PTPRQ: variants seen among roughly 807,000 people sequenced by gnomAD.
PTPRQ encodes phosphatidylinositol phosphatase PTPRQ.
PTPRQ carries 199 observed loss-of-function variants against 246.0 expected under a neutral mutation model. The observed-to-expected ratio is 0.81, with a 90% CI of 0.72 to 0.91. PTPRQ has a LOEUF of 0.91. Ranked by LOEUF, PTPRQ falls within the 40% of genes least tolerant of loss-of-function variation. The pLI, the probability that PTPRQ is intolerant of heterozygous loss-of-function variation, is 0.00. For synonymous variants in PTPRQ, 869 were observed against 853.2 expected, an observed-to-expected ratio of 1.02 and a Z score of -0.32; for missense variants, 2,624 against 2,528.4, an observed-to-expected ratio of 1.04 and a Z score of -0.81.
At chr12:80,665,892 A>G (rs983674270) in intron 39 of PTPRQ, among the ~76,000 whole-genome samples, 6 of 151,996 alleles carry the variant, frequency 3.9e-5, no homozygotes, top group African/African-American at 1.4e-4. Flanking sequence ...ACCACAATGA[A>G]ACACCATCTC....
Position 80,649,614 on chromosome 12 carries a change from A to C in PTPRQ, c.5969A>C (p.Gln1990Pro). The change falls in exon 37 of 45, where the codon CAA becomes CCA. Residue 1990 changes from glutamine to proline, a missense_variant. By Grantham distance (76) the Gln-to-Pro change is moderately conservative. Transcript: ENST00000644991. ...CCAATAAGCAAGAAATCCTTCCTGC[A>C]ACATGTTGAAGAGCTTTGCACAAAC... ...IKPISKKSFL[Q>P]HVEELCTNNN... is the part of the protein sequence containing the mutation. 6.5e-7 allele frequency: 1 copy of C among 1,550,008 alleles called. No individual in the cohort carries two copies.
chr12:80,539,954 C>T lies in PTPRQ; in HGVS notation c.3154+10C>T, dbSNP rs757225495. On this transcript the variant is annotated intron_variant, in intron 20 of 44. Coordinates refer to ENST00000644991, the MANE Select transcript of PTPRQ (RefSeq NM_001145026.2). The stretch of plus-strand genomic sequence containing the variant: ...TACACAGATCAAGACAGTATGTAAA[C>T]AAAAAACACTAATCTTTAATATGAT... 1.2e-4 allele frequency: 171 copies of T among 1,455,186 alleles called. No homozygotes were observed. The highest frequency in any genetic ancestry group is 1.4e-4 in the Non-Finnish European group (154 of 1,102,182). 90.1% of individuals were successfully genotyped at this position (1,455,186 alleles called of 1,614,324 possible).
At chr12:80,455,039 G>T (rs560171870) in intron 3 of PTPRQ, among the ~76,000 whole-genome samples, 1 of 152,270 alleles carries the variant, frequency 6.6e-6, no homozygotes, top group East Asian at 1.9e-4. Context: ...TGGGCATGGT[G>T]GCGAGTGCCT....
Position 80,666,442 on chromosome 12 carries a change from C to A in PTPRQ, c.6193-2565C>A, listed in dbSNP as rs10862181. 2.2e-4 allele frequency among the ~76,000 whole-genome samples: 33 copies of A among 151,710 alleles called. No homozygotes were observed. The South Asian group carries it at 6.6e-3, about 31-fold the overall frequency. ...GAGGTGAGAGTAAGAGATTGGTTAA[C>A]GAATGCAAAATTACAGCTAGATAGG... On this transcript the variant is annotated intron_variant, in intron 39 of 44. Coordinates refer to ENST00000644991, the MANE Select transcript of PTPRQ (RefSeq NM_001145026.2).
At chr12:80,519,186 A>G (rs768346251) in intron 17 of PTPRQ, among the ~76,000 whole-genome samples, 61 of 151,946 alleles carry the variant, frequency 4.0e-4, no homozygotes, top group Non-Finnish European at 7.4e-4. Context: ...ATTATAGAGA[A>G]CTTTTACTTC....
chr12:80,589,682 A>G (rs2121023417), intron 26 of PTPRQ, among the ~76,000 whole-genome samples: 1 of 152,338 alleles, frequency 6.6e-6, no homozygotes, highest in East Asian at 1.9e-4. Flanking sequence ...GTTTGTTAAT[A>G]TAATTTGACA....
At chr12:80,497,599 A>G (rs1335541649) in intron 14 of PTPRQ, among the ~76,000 whole-genome samples, 3 of 152,112 alleles carry the variant, frequency 2.0e-5, no homozygotes, top group African/African-American at 4.8e-5. Flanking sequence ...TAAAGGAAGT[A>G]AAACAAGCAA....
chr12:80,644,519 T>C (rs1024560618), intron 35 of PTPRQ, among the ~76,000 whole-genome samples: 1 of 152,128 alleles, frequency 6.6e-6, no homozygotes, highest in East Asian at 1.9e-4. Context: ...TATTTGAGTA[T>C]GTTTGAGTAT....
chr12:80,454,838 CTT>C (rs1178668298), intron 3 of PTPRQ, among the ~76,000 whole-genome samples: 4 of 152,070 alleles, frequency 2.6e-5, no homozygotes, highest in African/African-American at 9.7e-5. Flanking sequence ...TTAATTCAAA[CTT>C]AATTTATTTT....
chr12:80,608,046 A>G (rs1315437501), intron 27 of PTPRQ, among the ~76,000 whole-genome samples: 2 of 150,822 alleles, frequency 1.3e-5, no homozygotes, highest in African/African-American at 4.8e-5. Context: ...GGAGGAATAG[A>G]AGATAAAGGA....
chr12:80,464,169 G>A (rs1170406515), intron 6 of PTPRQ, among the ~76,000 whole-genome samples: 1 of 150,122 alleles, frequency 6.7e-6, no homozygotes, highest in African/African-American at 2.5e-5. Context: ...AAAGGATGGA[G>A]GAAGATCTAC....
intron 25 of PTPRQ, among the ~76,000 whole-genome samples, chr12:80,554,825 C>T (rs1459678822): frequency 6.6e-6 from 1 of 152,146 alleles, no homozygotes; most frequent in Non-Finnish European, 1.5e-5. Context: ...TCACTGTAGC[C>T]TTAACCTCCT....
chr12:80,514,550 TA>T (rs1565756927), intron 17 of PTPRQ, among the ~76,000 whole-genome samples: 1 of 145,072 alleles, frequency 6.9e-6, no homozygotes, highest in Non-Finnish European at 1.5e-5. Context: ...TGTATATATA[TA>T]TATATAAATA....
At chr12:80,600,846 C>T (rs1180596044) in intron 26 of PTPRQ, among the ~76,000 whole-genome samples, 1 of 151,830 alleles carries the variant, frequency 6.6e-6, no homozygotes, top group African/African-American at 2.4e-5. Context: ...AAGACATTAA[C>T]GCTGGTCTTA....
intron 8 of PTPRQ, among the ~76,000 whole-genome samples, chr12:80,482,681 G>A (rs919391053): frequency 4.0e-5 from 6 of 149,282 alleles, no homozygotes; most frequent in African/African-American, 7.7e-5. Flanking sequence ...ATTTACAAGA[G>A]AAAAACAAAC....
intron 25 of PTPRQ, among the ~76,000 whole-genome samples, chr12:80,553,911 C>T (rs902681419): frequency 1.3e-5 from 2 of 152,068 alleles, no homozygotes; most frequent in Non-Finnish European, 1.5e-5. Context: ...CTTAGCATAA[C>T]GTGGATGGAA....
At chr12:80,583,096 AT>A (rs1195034139) in intron 25 of PTPRQ, among the ~76,000 whole-genome samples, 2 of 152,062 alleles carry the variant, frequency 1.3e-5, no homozygotes, top group Non-Finnish European at 2.9e-5. Context: ...ACATCCTGAT[AT>A]TTTTTATCTG....
chr12:80,480,412 G>C (rs1419761914), intron 8 of PTPRQ, among the ~76,000 whole-genome samples: 1 of 151,894 alleles, frequency 6.6e-6, no homozygotes, highest in Non-Finnish European at 1.5e-5. Context: ...ATGCCCACAA[G>C]AGAAAGCAGG....
At chr12:80,537,578 C>A (rs17006885) in intron 19 of PTPRQ, among the ~76,000 whole-genome samples, 2,330 of 152,208 alleles carry the variant, frequency 0.015, 89 homozygotes, top group East Asian at 0.14. Context: ...TTATAGTAGA[C>A]CAACATCACT....
Sources: gnomAD v4.1 joint callset for allele counts (sites outside exome capture counted in the v4.1 genomes callset) on GRCh38, gnomAD v4.1.1 for gene constraint, MANE v1.5 for transcripts, NCBI Gene and HGNC (gene_info 2026-07-23, HGNC 2026-07-21) for gene names.